The following ZNF385D variants were observed in gnomAD, a reference collection of about 807,000 sequenced individuals.
ZNF385D encodes zinc finger protein 385D, also known as zinc finger protein 659.
Under a neutral mutation model 35.8 loss-of-function variants are expected in ZNF385D, and 15 were observed. The ratio of observed to expected loss-of-function variants is 0.42; its 90% CI spans 0.28 to 0.64. ZNF385D has a LOEUF of 0.64. Ranked by LOEUF, ZNF385D falls within the 30% of genes least tolerant of loss-of-function variation. The pLI is 0.23. For synonymous variants in ZNF385D, 212 were observed against 186.8 expected (o/e 1.13, Z -1.10); for missense variants, 474 against 494.6 (o/e 0.96, Z 0.39).
chr3:22,061,442 C>T (rs570068497), intron 3 of ZNF385D, among the ~76,000 whole-genome samples: 17 of 152,266 alleles, frequency 1.1e-4, no homozygotes, highest in South Asian at 2.1e-4. Context: ...CCTGCTTAAA[C>T]GTTTACCCCA....
chr3:21,843,875 C>G (rs1695832824), intron 3 of ZNF385D, among the ~76,000 whole-genome samples: 1 of 151,898 alleles, frequency 6.6e-6, no homozygotes, highest in South Asian at 2.1e-4. Flanking sequence ...AATCATCAAC[C>G]ACTCCATTCA....
At chr3:22,256,626 G>A (rs1700333182) in intron 2 of ZNF385D, among the ~76,000 whole-genome samples, 1 of 151,850 alleles carries the variant, frequency 6.6e-6, no homozygotes, top group Non-Finnish European at 1.5e-5. Flanking sequence ...CAAAACATTT[G>A]CTGCTGCTGT....
intron 3 of ZNF385D, among the ~76,000 whole-genome samples, chr3:22,123,181 A>AAGAGAAG (rs1266422717): frequency 6.6e-6 from 1 of 152,150 alleles, no homozygotes; most frequent in African/African-American, 2.4e-5. Flanking sequence ...GATGGAAGAG[A>AAGAGAAG]AGAGAAGAGA....
intron 3 of ZNF385D, among the ~76,000 whole-genome samples, chr3:22,086,890 A>G (rs950507713): frequency 6.6e-6 from 1 of 152,142 alleles, no homozygotes; most frequent in African/African-American, 2.4e-5. Context: ...CAATGAGAAC[A>G]CTTGGACACA....
chr3:22,365,243 A>G (rs1164921572), intron 2 of ZNF385D, among the ~76,000 whole-genome samples: 1 of 152,074 alleles, frequency 6.6e-6, no homozygotes, highest in Non-Finnish European at 1.5e-5. Flanking sequence ...GATACATTTC[A>G]TATTATATAT....
At chr3:22,281,853 G>C (rs566797121) in intron 2 of ZNF385D, among the ~76,000 whole-genome samples, 1 of 152,022 alleles carries the variant, frequency 6.6e-6, no homozygotes, top group Non-Finnish European at 1.5e-5. Flanking sequence ...ATTTAGCTGT[G>C]AATCTGTCTG....
chr3:21,956,597 C>G (rs1020933386), intron 3 of ZNF385D, among the ~76,000 whole-genome samples: 1 of 151,928 alleles, frequency 6.6e-6, no homozygotes, highest in African/African-American at 2.4e-5. Flanking sequence ...TTAAAACAAT[C>G]TATATGTCAG....
chr3:21,675,761 G>A (rs2125297555), intron 1 of ZNF385D, among the ~76,000 whole-genome samples: 1 of 152,140 alleles, frequency 6.6e-6, no homozygotes, highest in East Asian at 1.9e-4. Flanking sequence ...CCAGTATATT[G>A]TAGATTATCC....
At chr3:21,595,097 T>A (rs1425067740) in intron 2 of ZNF385D, among the ~76,000 whole-genome samples, 3 of 152,186 alleles carry the variant, frequency 2.0e-5, no homozygotes, top group Non-Finnish European at 4.4e-5. Context: ...AAGGAACCTG[T>A]AAAACATGCT....
chr3:22,288,916 T>G (rs933360422), intron 2 of ZNF385D, among the ~76,000 whole-genome samples: 4 of 152,078 alleles, frequency 2.6e-5, no homozygotes, highest in African/African-American at 7.2e-5. Flanking sequence ...CAAATCTCTG[T>G]GTTTGTCCAA....
At chr3:22,056,890 G>C (rs908957884) in intron 3 of ZNF385D, among the ~76,000 whole-genome samples, 4 of 152,118 alleles carry the variant, frequency 2.6e-5, no homozygotes, top group Non-Finnish European at 5.9e-5. Context: ...TAACCACTCA[G>C]AACAAGAAAG....
intron 3 of ZNF385D, among the ~76,000 whole-genome samples, chr3:22,093,368 ATATAGT>A (rs1185155830): frequency 1.3e-5 from 2 of 151,758 alleles, no homozygotes; most frequent in Admixed American, 6.6e-5. Context: ...TACATATAAA[ATATAGT>A]TATAATTTAA....
chr3:21,923,946 A>G (rs1433837983), intron 3 of ZNF385D, among the ~76,000 whole-genome samples: 2 of 152,242 alleles, frequency 1.3e-5, no homozygotes, highest in African/African-American at 2.4e-5. Flanking sequence ...AATTTAAAAT[A>G]AAAGTTGAAA....
At chr3:22,307,226 GAGTC>G (rs1703276980) in intron 2 of ZNF385D, among the ~76,000 whole-genome samples, 1 of 152,118 alleles carries the variant, frequency 6.6e-6, no homozygotes, top group South Asian at 2.1e-4. Flanking sequence ...AAGTGTTTGA[GAGTC>G]AGTTTAATTG....
intron 2 of ZNF385D, among the ~76,000 whole-genome samples, chr3:21,663,242 A>C (rs1231722284): frequency 6.6e-6 from 1 of 152,230 alleles, no homozygotes; most frequent in African/African-American, 2.4e-5. Context: ...AGGATCATGT[A>C]GCTCAACACA....
intron 3 of ZNF385D, among the ~76,000 whole-genome samples, chr3:22,038,369 G>C (rs928281680): frequency 6.6e-6 from 1 of 152,134 alleles, no homozygotes; most frequent in Non-Finnish European, 1.5e-5. Flanking sequence ...CTTATTATCA[G>C]CATGTCCTTG....
chr3:21,858,607 A>G (rs1696867781), intron 3 of ZNF385D, among the ~76,000 whole-genome samples: 1 of 152,074 alleles, frequency 6.6e-6, no homozygotes, highest in Non-Finnish European at 1.5e-5. Context: ...CTCTCAGGAG[A>G]CACTGCATCT....
intron 1 of ZNF385D, among the ~76,000 whole-genome samples, chr3:21,692,592 G>A (rs1280542500): frequency 3.3e-5 from 5 of 152,146 alleles, no homozygotes; most frequent in Non-Finnish European, 4.4e-5. Flanking sequence ...ACAATCCAGC[G>A]CCAGTGTATT....
At chr3:22,148,870 A>G (rs1213581700) in intron 3 of ZNF385D, among the ~76,000 whole-genome samples, 1 of 152,198 alleles carries the variant, frequency 6.6e-6, no homozygotes, top group Non-Finnish European at 1.5e-5. Context: ...AAGATAGACG[A>G]AACCTACATA....
Sources: allele counts gnomAD v4.1 joint callset (sites outside exome capture counted in the v4.1 genomes callset), GRCh38; gene constraint gnomAD v4.1.1; transcripts MANE v1.5; gene names NCBI Gene and HGNC (gene_info 2026-07-23, HGNC 2026-07-21).